ASPH: variants seen among roughly 807,000 people sequenced by gnomAD.
The protein encoded by ASPH is aspartate beta-hydroxylase.
Under a neutral mutation model 118.4 loss-of-function variants are expected in ASPH, and 100 were observed. The observed-to-expected ratio is 0.84, with a 90% CI of 0.72 to 1.00. The LOEUF is 1.00. Among genes scored for constraint, ASPH ranks in the 50% least tolerant of loss-of-function variants. ASPH has a pLI of 0.00. For synonymous variants in ASPH, 315 were observed against 325.6 expected, an observed-to-expected ratio of 0.97 and a Z score of 0.35; for missense variants, 920 against 919.5, an observed-to-expected ratio of 1.00 and a Z score of -0.01.
intron 24 of ASPH, among the ~76,000 whole-genome samples, chr8:61,504,360 A>G (rs927298497): frequency 6.6e-6 from 1 of 152,216 alleles, no homozygotes; most frequent in Non-Finnish European, 1.5e-5. Flanking sequence ...TTCCTTAGAT[A>G]CTAAAATGCC....
intron 14 of ASPH, among the ~76,000 whole-genome samples, chr8:61,609,600 CAAATT>C (rs111632691): frequency 0.018 from 2,681 of 152,124 alleles, 74 homozygotes; most frequent in African/African-American, 0.061. Flanking sequence ...TAAAATCACT[CAAATT>C]AAAACAGAAT....
At chr8:61,527,683 T>TG (rs1815939872) in intron 21 of ASPH, among the ~76,000 whole-genome samples, 1 of 151,796 alleles carries the variant, frequency 6.6e-6, no homozygotes, top group South Asian at 2.1e-4. Flanking sequence ...CCAGGAAGGG[T>TG]GGCGGGGGGA....
intron 20 of ASPH, among the ~76,000 whole-genome samples, chr8:61,549,455 C>A (rs942237723): frequency 6.6e-6 from 1 of 152,152 alleles, no homozygotes; most frequent in Non-Finnish European, 1.5e-5. Flanking sequence ...TATCATTTAG[C>A]AAACACTATG....
chr8:61,642,960 C>T (rs756910542), intron 9 of ASPH, 40 bp from the exon 10 acceptor site: 1 of 1,442,498 alleles, frequency 6.9e-7, no homozygotes, highest in South Asian at 1.3e-5. Context: ...TAAGTATTAA[C>T]TGAGTCATTC....
chr8:61,664,140 G>A, intron 3 of ASPH: 1 of 965,090 alleles, frequency 1.0e-6, no homozygotes, highest in Non-Finnish European at 1.2e-6. Flanking sequence ...TAATATTTGA[G>A]GCACAGAATA....
intron 3 of ASPH, chr8:61,657,249 G>C (rs1442036899): frequency 6.6e-6 from 1 of 152,132 alleles, no homozygotes; most frequent in Admixed American, 6.5e-5. Flanking sequence ...CGTGTGTTTC[G>C]GGTAGGGAAC....
chr8:61,517,764 C>G (rs1811437666), intron 23 of ASPH, 103 bp from the exon 24 acceptor site: 1 of 1,411,040 alleles, frequency 7.1e-7, no homozygotes, highest in Non-Finnish European at 9.6e-7. Context: ...GGATTAGAGC[C>G]TTTGTAAGAT....
At chr8:61,704,734 T>C (rs1257339272) in intron 1 of ASPH, among the ~76,000 whole-genome samples, 1 of 152,148 alleles carries the variant, frequency 6.6e-6, no homozygotes, top group East Asian at 1.9e-4. Flanking sequence ...CTTGACATCA[T>C]TATTCATCAG....
chr8:61,549,969 T>C (rs1258640340), intron 20 of ASPH, among the ~76,000 whole-genome samples: 1 of 152,216 alleles, frequency 6.6e-6, no homozygotes, highest in East Asian at 1.9e-4. Flanking sequence ...TACAACAGCA[T>C]GTTTAAACTA....
At chr8:61,683,937 T>C (rs1343919803) in intron 2 of ASPH, 102 bp downstream of exon 2, 15 of 1,366,238 alleles carry the variant, frequency 1.1e-5, no homozygotes, top group South Asian at 4.1e-5. Flanking sequence ...TGAAAGGCTA[T>C]AGAAATTACC....
chr8:61,600,623 T>C (rs1408074502), intron 14 of ASPH, among the ~76,000 whole-genome samples: 2 of 151,192 alleles, frequency 1.3e-5, no homozygotes, highest in Non-Finnish European at 2.9e-5. Context: ...TAATCCTGTT[T>C]ATAATAGCTA....
intron 3 of ASPH, chr8:61,676,007 G>A (rs1394505422): frequency 3.8e-6 from 6 of 1,577,562 alleles, no homozygotes; most frequent in Non-Finnish European, 5.1e-6. Context: ...CATAAGCCAA[G>A]GAAAGAAAAG....
chr8:61,584,235 C>G (rs889587090), intron 14 of ASPH, among the ~76,000 whole-genome samples: 9 of 152,082 alleles, frequency 5.9e-5, no homozygotes. Context: ...GCAGCCCTTA[C>G]CTATCTGCTA....
intron 1 of ASPH, among the ~76,000 whole-genome samples, chr8:61,704,540 T>TA (rs1198289887): frequency 1.3e-5 from 2 of 151,448 alleles, no homozygotes; most frequent in African/African-American, 2.4e-5. Flanking sequence ...GCATTAAAAA[T>TA]AAAAAAATAA....
At chr8:61,505,430 G>A (rs1212699961) in intron 24 of ASPH, among the ~76,000 whole-genome samples, 1 of 150,360 alleles carries the variant, frequency 6.7e-6, no homozygotes, top group African/African-American at 2.5e-5. Flanking sequence ...GGAGGCAGAG[G>A]TTGCAGTGAG....
intron 1 of ASPH, among the ~76,000 whole-genome samples, chr8:61,692,231 G>A (rs1832812368): frequency 6.6e-6 from 1 of 152,146 alleles, no homozygotes; most frequent in African/African-American, 2.4e-5. Context: ...AAAACCCTCT[G>A]AAATATCATT....
intron 1 of ASPH, among the ~76,000 whole-genome samples, chr8:61,700,972 C>T (rs1323170564): frequency 6.6e-6 from 1 of 152,052 alleles, no homozygotes; most frequent in Non-Finnish European, 1.5e-5. Context: ...GTATACATTC[C>T]CTGAGATTTA....
chr8:61,625,060 G>A (rs918350520), intron 13 of ASPH: 2 of 985,604 alleles, frequency 2.0e-6, no homozygotes, highest in Non-Finnish European at 2.4e-6. Flanking sequence ...TTATCTTAAT[G>A]TTAACAAAAT....
intron 17 of ASPH, among the ~76,000 whole-genome samples, chr8:61,566,582 C>T (rs1227286344): frequency 6.6e-6 from 1 of 152,216 alleles, no homozygotes; most frequent in Non-Finnish European, 1.5e-5. Context: ...TCAAACAGCA[C>T]TTCAAACTAC....
Sources: gnomAD v4.1 joint callset for allele counts (sites outside exome capture counted in the v4.1 genomes callset) on GRCh38, gnomAD v4.1.1 for gene constraint, MANE v1.5 for transcripts, NCBI Gene and HGNC (gene_info 2026-07-23, HGNC 2026-07-21) for gene names.